ITSN1: variants seen among roughly 807,000 people sequenced by gnomAD.
ITSN1 encodes intersectin 1.
A neutral mutation model predicts 239.8 loss-of-function variants in ITSN1; 58 were observed. The ratio of observed to expected loss-of-function variants is 0.24; its 90% CI spans 0.20 to 0.30. The LOEUF (loss-of-function observed/expected upper bound fraction) is 0.30, where lower values mean the gene tolerates loss of function less well. Ranked by LOEUF, ITSN1 falls within the 10% of genes least tolerant of loss-of-function variation. The pLI, the probability that ITSN1 is intolerant of heterozygous loss-of-function variation, is 1.00. For missense variants in ITSN1, 1,558 were observed against 2,103.3 expected, an observed-to-expected ratio of 0.74 and a Z score of 5.07; for synonymous variants, 780 against 770.8, an observed-to-expected ratio of 1.01 and a Z score of -0.20.
intron 5 of ITSN1, among the ~76,000 whole-genome samples, chr21:33,747,623 G>A (rs987400036): frequency 4.6e-5 from 7 of 152,162 alleles, no homozygotes; most frequent in Admixed American, 3.9e-4. Context: ...GGGGAGCATA[G>A]ATATAAATAA....
chr21:33,825,059 C>T (rs536866816), intron 25 of ITSN1, among the ~76,000 whole-genome samples: 26 of 152,130 alleles, frequency 1.7e-4, no homozygotes, highest in Non-Finnish European at 3.4e-4. Context: ...TTTCTACTAC[C>T]GTGCATGAAA....
At chr21:33,845,766 C>T (rs925114295) in intron 29 of ITSN1, among the ~76,000 whole-genome samples, 7 of 152,328 alleles carry the variant, frequency 4.6e-5, no homozygotes, top group Middle Eastern at 3.4e-3. Flanking sequence ...CGTCATGACC[C>T]GTCACGAAAG....
At chr21:33,680,930 A>G (rs1316672398) in intron 1 of ITSN1, among the ~76,000 whole-genome samples, 1 of 152,242 alleles carries the variant, frequency 6.6e-6, no homozygotes, top group African/African-American at 2.4e-5. Flanking sequence ...AGCTTTTGCT[A>G]AATTATGTTG....
intron 1 of ITSN1, among the ~76,000 whole-genome samples, chr21:33,696,747 A>G (rs2091812500): frequency 6.6e-6 from 1 of 152,156 alleles, no homozygotes; most frequent in Non-Finnish European, 1.5e-5. Flanking sequence ...GTTATTTTAC[A>G]CAGTTAGTAC....
rs139304731 is a variant in ITSN1, at chr21:33,745,299, A to G, written c.347-4844A>G. 7.2e-3 allele frequency among the ~76,000 whole-genome samples: 1,098 copies of G among 152,354 alleles called. 14 individuals carry two copies. The highest frequency in any genetic ancestry group is 0.025 in the African/African-American group (1,045 of 41,586). ...TCCAGACTGGGAAACTCCACAGGTC[A>G]CATGGCCTGGGTCTTTCAACAGAAA... On this transcript the variant is annotated intron_variant, in intron 5 of 39. Transcript: ENST00000381318.
At chr21:33,840,436 T>C (rs1036825534) in intron 29 of ITSN1, among the ~76,000 whole-genome samples, 12 of 152,134 alleles carry the variant, frequency 7.9e-5, no homozygotes, top group African/African-American at 2.7e-4. Flanking sequence ...TGATCTCGGC[T>C]CACTGCAACC....
intron 1 of ITSN1, among the ~76,000 whole-genome samples, chr21:33,665,298 A>G (rs2089856638): frequency 6.6e-6 from 1 of 152,038 alleles, no homozygotes; most frequent in African/African-American, 2.4e-5. Context: ...ATGCAAGATA[A>G]CGTCATTAAA....
At chr21:33,745,482 C>G (rs1307971548) in intron 5 of ITSN1, among the ~76,000 whole-genome samples, 1 of 152,136 alleles carries the variant, frequency 6.6e-6, no homozygotes, top group Non-Finnish European at 1.5e-5. Context: ...GGAAATTAAC[C>G]AAAGGTATAT....
chr21:33,875,787 T>G (rs1983636898), intron 34 of ITSN1, among the ~76,000 whole-genome samples: 1 of 152,120 alleles, frequency 6.6e-6, no homozygotes, highest in Non-Finnish European at 1.5e-5. Flanking sequence ...TTCCAGTGAT[T>G]CTCCTGCCTC....
chr21:33,811,957 A>G (rs537832423), intron 21 of ITSN1, among the ~76,000 whole-genome samples: 5 of 152,316 alleles, frequency 3.3e-5, no homozygotes, highest in African/African-American at 1.2e-4. Context: ...AGAAGAAACA[A>G]ATTGAAGGCA....
intron 3 of ITSN1, 122 bp from the exon 4 acceptor site, chr21:33,722,466 C>A: frequency 8.1e-7 from 1 of 1,231,650 alleles, no homozygotes; most frequent in Non-Finnish European, 1.1e-6. Context: ...TTATAATGCA[C>A]TCAACTGGTA....
chr21:33,678,825 T>C (rs2146484689), intron 1 of ITSN1, among the ~76,000 whole-genome samples: 1 of 152,302 alleles, frequency 6.6e-6, no homozygotes, highest in East Asian at 1.9e-4. Context: ...GCGATTCTCC[T>C]GCCTCAGCCA....
At chr21:33,733,085 A>G (rs577474229) in intron 4 of ITSN1, among the ~76,000 whole-genome samples, 85 of 152,274 alleles carry the variant, frequency 5.6e-4, no homozygotes, top group Non-Finnish European at 7.9e-4. Flanking sequence ...CTAAATGTTC[A>G]TAGGAAAATA....
At chr21:33,754,813 A>G (rs1244923096) in intron 7 of ITSN1, among the ~76,000 whole-genome samples, 1 of 152,244 alleles carries the variant, frequency 6.6e-6, no homozygotes, top group Non-Finnish European at 1.5e-5. Context: ...AGAATGGAGT[A>G]ATTTCACTTC....
In ITSN1 at chr21:33,836,425, G is replaced by T; in HGVS notation, c.3470-16G>T. ...CGGCGGGTGTGCAGCCGCTCACCCA[G>T]CCCTGTCTCCTGCAGTGTGCCAGGT... On this transcript the variant is annotated splice_polypyrimidine_tract_variant and intron_variant, in intron 28 of 39. Coordinates refer to ENST00000381318, the MANE Select transcript of ITSN1 (RefSeq NM_003024.3). 6.3e-7 allele frequency: 1 copy of T among 1,579,808 alleles called. No homozygotes were observed. The highest frequency in any genetic ancestry group is 8.6e-7 in the Non-Finnish European group (1 of 1,158,862).
chr21:33,768,262 T>C (rs1310725005), intron 11 of ITSN1, among the ~76,000 whole-genome samples: 1 of 152,066 alleles, frequency 6.6e-6, no homozygotes, highest in African/African-American at 2.4e-5. Context: ...ATTTTAAATT[T>C]AATGTGAACC....
rs571261271 is a variant in ITSN1 at position 33,812,801 on chromosome 21, T to C, written c.2568-1112T>C. ...GGTATCAGCCACCATGCCCAGCCTGTTTATCTAAAATTATTAAAATCACAA... is the reference window on the plus strand; with the variant it reads ...GGTATCAGCCACCATGCCCAGCCTGCTTATCTAAAATTATTAAAATCACAA... On this transcript the variant is annotated intron_variant, in intron 21 of 39. Coordinates refer to ENST00000381318, the MANE Select transcript of ITSN1 (RefSeq NM_003024.3). 2.0e-4 allele frequency among the ~76,000 whole-genome samples: 31 copies of C among 152,222 alleles called. No homozygotes were observed. The South Asian group carries it at 6.2e-3, about 31-fold the overall frequency.
intron 28 of ITSN1, among the ~76,000 whole-genome samples, chr21:33,835,707 G>A (rs1475850896): frequency 6.6e-6 from 1 of 152,166 alleles, no homozygotes; most frequent in Non-Finnish European, 1.5e-5. Context: ...GAGGCGGGCG[G>A]ATCTCTTGAG....
chr21:33,836,695 T>G, intron 29 of ITSN1, 63 bp downstream of exon 29: 5 of 1,276,182 alleles, frequency 3.9e-6, no homozygotes, highest in Non-Finnish European at 5.6e-6. Flanking sequence ...ACATGCAGCA[T>G]TGCTCTGATT....
Sources: allele counts gnomAD v4.1 joint callset (sites outside exome capture counted in the v4.1 genomes callset), GRCh38; gene constraint gnomAD v4.1.1; transcripts MANE v1.5; gene names NCBI Gene and HGNC (gene_info 2026-07-23, HGNC 2026-07-21).